Variants in EZH1 observed in about 807,000 individuals in gnomAD.
The protein encoded by EZH1 is histone-lysine N-methyltransferase EZH1.
A neutral mutation model predicts 100.5 loss-of-function variants in EZH1; 33 were observed. That is an observed-to-expected ratio of 0.33 (90% CI 0.25 to 0.44). The LOEUF is 0.44. EZH1 is among the 20% of genes least tolerant of loss of function. EZH1 has a pLI of 1.00. For missense variants in EZH1, 475 were observed against 928.4 expected, an observed-to-expected ratio of 0.51 and a Z score of 6.35; for synonymous variants, 272 against 313.8, an observed-to-expected ratio of 0.87 and a Z score of 1.41.
chr17:42,744,922 T>C, intron 1 of EZH1, 89 bp downstream of exon 1: 2 of 1,215,746 alleles, frequency 1.6e-6, no homozygotes, highest in Non-Finnish European at 2.1e-6. Context: ...AATTTCCTGA[T>C]CCCTCCGCCT....
chr17:42,736,859 T>G (rs1182617530), intron 1 of EZH1, among the ~76,000 whole-genome samples: 1 of 151,456 alleles, frequency 6.6e-6, no homozygotes, highest in Non-Finnish European at 1.5e-5. Flanking sequence ...TCATTAATAA[T>G]AATAGTAATA....
rs578131850 is a variant in EZH1, at chr17:42,708,836, C to T, written c.1534+40G>A. ...TAGGGTGATGACCACAGAGTGAGGC[C>T]TCCAGCTGAACTGCTGAAGAATGCC... On this transcript the variant is annotated intron_variant, in intron 14 of 20. Coordinates refer to ENST00000428826, the MANE Select transcript of EZH1 (RefSeq NM_001991.5). The T allele has an allele frequency of 2.5e-6, 4 of 1,612,802 alleles. No individual in the cohort carries two copies. The South Asian group carries it at 4.4e-5, about 18-fold the overall frequency.
chr17:42,720,140 G>T, intron 7 of EZH1, 133 bp downstream of exon 7: 1 of 831,142 alleles, frequency 1.2e-6, no homozygotes, highest in Non-Finnish European at 1.8e-6. Context: ...ATCACTTAAT[G>T]ATCATGTTCT....
chr17:42,725,627 C>T (rs2053804020), intron 4 of EZH1, among the ~76,000 whole-genome samples: 2 of 152,066 alleles, frequency 1.3e-5, no homozygotes, highest in African/African-American at 2.4e-5. Context: ...TAGAGTTCAG[C>T]ACAGTACTTC....
chr17:42,720,670 A>AT (rs1299897460), intron 6 of EZH1, among the ~76,000 whole-genome samples: 3 of 138,888 alleles, frequency 2.2e-5, no homozygotes, highest in East Asian at 1.9e-4. Context: ...TATTTTTATT[A>AT]TTTTTTTTAG....
chr17:42,725,621 G>C (rs1372846988), intron 4 of EZH1, among the ~76,000 whole-genome samples: 1 of 152,020 alleles, frequency 6.6e-6, no homozygotes, highest in African/African-American at 2.4e-5. Flanking sequence ...CCTCTATAGA[G>C]TTCAGCACAG....
In EZH1 at chr17:42,706,203, G is replaced by T. The variant is rs373160686; in HGVS notation, c.1661-18C>A. On this transcript the variant is annotated intron_variant, in intron 15 of 20. Coordinates refer to ENST00000428826, the MANE Select transcript of EZH1 (RefSeq NM_001991.5). This position sits in a 1 kb window ranked among gnomAD's most constrained non-coding sequence, Gnocchi z 4.4. Reference sequence around the variant, plus strand: ...ATTCTGACCTGGGAAGGGAAGACAGGTAAGTCTTAGAAGGGAAATAAGCTA... The same window carrying T: ...ATTCTGACCTGGGAAGGGAAGACAGTTAAGTCTTAGAAGGGAAATAAGCTA... 4.4e-6 allele frequency: 7 copies of T among 1,599,344 alleles called. No homozygotes were observed. Among genetic ancestry groups the T allele is most frequent in the Non-Finnish European group, 4.3e-6 (5 of 1,170,308 alleles).
intron 14 of EZH1, among the ~76,000 whole-genome samples, chr17:42,708,392 C>T (rs1019958865): frequency 3.2e-4 from 48 of 152,256 alleles, no homozygotes; most frequent in Middle Eastern, 3.4e-3. Flanking sequence ...CAGTGGCTCA[C>T]GCCTGTAATC....
Position 42,708,860 on chromosome 17 carries a change from C to G in EZH1, c.1534+16G>C. 4 of 1,613,940 alleles carry G rather than the reference C, an allele frequency of 2.5e-6. No individual in the cohort carries two copies. The highest frequency in any genetic ancestry group is 3.4e-6 in the Non-Finnish European group (4 of 1,179,926). On this transcript the variant is annotated intron_variant, in intron 14 of 20. Coordinates refer to ENST00000428826, the MANE Select transcript of EZH1 (RefSeq NM_001991.5). Reference sequence around the variant, plus strand: ...CCTCCAGCTGAACTGCTGAAGAATGCCCTGGTAGAACTTACCTTTCTTCAG... The same window carrying G: ...CCTCCAGCTGAACTGCTGAAGAATGGCCTGGTAGAACTTACCTTTCTTCAG...
Position 42,702,368 on chromosome 17 carries a change from GT to G in EZH1, c.*163del. The G allele has an allele frequency of 5.4e-6, 3 of 550,468 alleles. No individual in the cohort carries two copies. Among genetic ancestry groups the G allele is most frequent in the Non-Finnish European group, 9.7e-6 (3 of 309,994 alleles). The allele number at this position is 550,468 out of a possible 1,614,324, so 34.1% of individuals were successfully genotyped here. On this transcript the variant is annotated 3_prime_UTR_variant, in exon 21 of 21. Coordinates refer to ENST00000428826, the MANE Select transcript of EZH1 (RefSeq NM_001991.5). ...CTCTGTCTCCCCTCTCATTGAGACA[GT>G]TTTGTGCCCTCTGGACATGGCAGAG...
rs1288058119 is a variant in EZH1, at chr17:42,702,871, C to T, written c.2183+6G>A. On this transcript the variant is annotated splice_donor_region_variant and intron_variant, in intron 20 of 20. Coordinates refer to ENST00000428826, the MANE Select transcript of EZH1 (RefSeq NM_001991.5). ...CACATCCCAAGGACCATTACTGGCACCTCACCTGTAATCAAAGAAGAGCTC... is the reference window on the plus strand; with the variant it reads ...CACATCCCAAGGACCATTACTGGCATCTCACCTGTAATCAAAGAAGAGCTC... 6.2e-7 allele frequency: 1 copy of T among 1,613,630 alleles called. No homozygotes were observed. The highest frequency in any genetic ancestry group is 1.1e-5 in the South Asian group (1 of 91,056).
chr17:42,738,081 CAGG>C (rs1368854314), intron 1 of EZH1, among the ~76,000 whole-genome samples: 1 of 149,524 alleles, frequency 6.7e-6, no homozygotes, highest in East Asian at 2.0e-4. Context: ...GAGGCTGAGG[CAGG>C]AGAATGGCGT....
chr17:42,705,835 GC>G, intron 16 of EZH1, 171 bp downstream of exon 16: 1 of 710,446 alleles, frequency 1.4e-6, no homozygotes, highest in Non-Finnish European at 2.1e-6. Context: ...ATTTTTCTAA[GC>G]CCTACTGGGA....
At position 42,718,091 on chromosome 17, in the gene EZH1, T is replaced by C. The variant is rs767953669; in HGVS notation, c.932-24A>G. On this transcript the variant is annotated intron_variant, in intron 9 of 20. Coordinates refer to ENST00000428826, the MANE Select transcript of EZH1 (RefSeq NM_001991.5). This position sits in a 1 kb window ranked among gnomAD's most constrained non-coding sequence, Gnocchi z 4.2. ...AGCTGGAAAACAAAAACTGTCTTGT[T>C]GCCAGTGGTCTATCCACTTGACAAG... 4.4e-6 allele frequency: 7 copies of C among 1,595,860 alleles called. No individual in the cohort carries two copies. In the Admixed American group the frequency reaches 1.2e-4, roughly 27 times the overall value.
intron 4 of EZH1, among the ~76,000 whole-genome samples, chr17:42,726,517 T>G (rs1302089147): frequency 6.6e-6 from 1 of 151,748 alleles, no homozygotes; most frequent in Non-Finnish European, 1.5e-5. Context: ...TCATAAAGTT[T>G]CTTTTTTTTT....
At chr17:42,712,628 C>T in intron 11 of EZH1, 143 bp from the exon 12 acceptor site, 1 of 849,780 alleles carries the variant, frequency 1.2e-6, no homozygotes, top group African/African-American at 1.7e-5. Flanking sequence ...TTAGGCCAGG[C>T]ATGGTGGCTC....
intron 19 of EZH1, chr17:42,703,499 G>A: frequency 2.0e-6 from 1 of 500,422 alleles, no homozygotes; most frequent in South Asian, 2.3e-5. Flanking sequence ...TGTGAGATGG[G>A]TCTCACTATG....
Position 42,706,228 on chromosome 17 carries a change from A to G in EZH1, c.1661-43T>C, listed in dbSNP as rs1311480402. On this transcript the variant is annotated intron_variant, in intron 15 of 20. Coordinates refer to ENST00000428826, the MANE Select transcript of EZH1 (RefSeq NM_001991.5). This position sits in a 1 kb window ranked among gnomAD's most constrained non-coding sequence, Gnocchi z 4.4. ...GTAAGTCTTAGAAGGGAAATAAGCTAATACTGGGGCTTGTGGTTGACTCAA... is the reference window on the plus strand; with the variant it reads ...GTAAGTCTTAGAAGGGAAATAAGCTGATACTGGGGCTTGTGGTTGACTCAA... The G allele has an allele frequency of 6.5e-7, 1 of 1,535,510 alleles. No homozygotes were observed. Among genetic ancestry groups the G allele is most frequent in the Non-Finnish European group, 8.8e-7 (1 of 1,131,228 alleles).
chr17:42,717,474 T>C (rs947943037), intron 10 of EZH1, among the ~76,000 whole-genome samples: 1 of 152,202 alleles, frequency 6.6e-6, no homozygotes. Context: ...GTCCAGTTGA[T>C]CTATTTCCTT....
Sources: allele counts gnomAD v4.1 joint callset (sites outside exome capture counted in the v4.1 genomes callset), GRCh38; gene constraint gnomAD v4.1.1; non-coding constraint Gnocchi (gnomAD v3.1); transcripts MANE v1.5; gene names NCBI Gene and HGNC (gene_info 2026-07-23, HGNC 2026-07-21).